Variants in EYS observed in about 807,000 individuals in gnomAD.
The protein encoded by EYS is protein eyes shut homolog.
EYS carries 250 observed loss-of-function variants against 282.1 expected under a neutral mutation model. The ratio of observed to expected loss-of-function variants is 0.89; its 90% CI spans 0.80 to 0.98. The LOEUF (loss-of-function observed/expected upper bound fraction) is 0.98. EYS is among the 50% of genes least tolerant of loss of function. The pLI is 0.00. For synonymous variants in EYS, 1,355 were observed against 1,282.9 expected (o/e 1.06, Z -1.20); for missense variants, 4,016 against 3,709.0 (o/e 1.08, Z -2.15).
intron 31 of EYS, among the ~76,000 whole-genome samples, chr6:64,187,996 C>G (rs907905110): frequency 7.2e-5 from 11 of 151,964 alleles, no homozygotes; most frequent in Non-Finnish European, 1.6e-4. Flanking sequence ...CTGTAACATA[C>G]AAAGTAATGA....
At chr6:64,553,643 G>A (rs975609690) in intron 26 of EYS, among the ~76,000 whole-genome samples, 3 of 144,084 alleles carry the variant, frequency 2.1e-5, no homozygotes, top group Non-Finnish European at 4.5e-5. Flanking sequence ...AGCATAAGGT[G>A]CCTTTGCTGA....
In EYS at chr6:64,617,516, A is replaced by G. The variant is rs374409854; in HGVS notation, c.3586T>C (p.Cys1196Arg). Residue 1196 changes from cysteine to arginine, a missense_variant, in exon 24 of 43, where the codon TGT becomes CGT. Coordinates refer to ENST00000503581, the MANE Select transcript of EYS (RefSeq NM_001142800.2). ...GGAATGCACTCAAGCTCATTCTCAC[A>G]GTGGTGTCCAGACCATCCTGTTCAA... ...KCQPGWSGHHCENELECIPNS... is the reference protein window; with the variant it reads ...KCQPGWSGHHRENELECIPNS... The G allele has an allele frequency of 6.6e-4, 1,019 of 1,548,422 alleles. 8 individuals are homozygous for G. Among genetic ancestry groups the G allele is most frequent in the South Asian group, 5.3e-3 (448 of 83,958 alleles).
At chr6:64,582,727 C>G (rs10944599) in intron 26 of EYS, among the ~76,000 whole-genome samples, 1 of 152,028 alleles carries the variant, frequency 6.6e-6, no homozygotes, top group Non-Finnish European at 1.5e-5. Context: ...CACAATCACT[C>G]TACTGTATTC....
chr6:63,848,452 G>A (rs1008980854), intron 36 of EYS, among the ~76,000 whole-genome samples: 5 of 151,820 alleles, frequency 3.3e-5, no homozygotes, highest in East Asian at 2.0e-4. Flanking sequence ...CGGAGAAGGC[G>A]GGTGATATTT....
intron 26 of EYS, among the ~76,000 whole-genome samples, chr6:64,458,054 G>T (rs1008224697): frequency 6.6e-6 from 1 of 151,676 alleles, no homozygotes; most frequent in Non-Finnish European, 1.5e-5. Context: ...TCAGAAAAAA[G>T]AAATCTCTAC....
chr6:63,722,797 A>C (rs541188885), intron 42 of EYS, among the ~76,000 whole-genome samples: 1 of 152,144 alleles, frequency 6.6e-6, no homozygotes. Context: ...TCTATTCTCC[A>C]TTGTGGTCTA....
chr6:64,801,602 C>G (rs543010486), intron 22 of EYS, among the ~76,000 whole-genome samples: 6 of 152,120 alleles, frequency 3.9e-5, no homozygotes, highest in African/African-American at 1.4e-4. Flanking sequence ...CATTCTATAG[C>G]TATTTAGCCA....
chr6:64,395,434 A>T (rs1279188181), intron 28 of EYS, among the ~76,000 whole-genome samples: 3 of 152,250 alleles, frequency 2.0e-5, no homozygotes, highest in African/African-American at 7.2e-5. Flanking sequence ...CATATACACC[A>T]TGGAATACTA....
At chr6:65,579,830 C>T (rs558931413) in intron 2 of EYS, among the ~76,000 whole-genome samples, 2 of 152,154 alleles carry the variant, frequency 1.3e-5, no homozygotes, top group Admixed American at 1.3e-4. Context: ...GTCTGTAGAA[C>T]CTTGTCTCCA....
rs535756206 is a variant in EYS, at chr6:64,007,664, C to T, written c.6726-8481G>A. Reference sequence around the variant, plus strand: ...CCTCTTATCACTGCTTTAGCTGTGCCCCAGGAATTCTTGTATGTTGTATCT... The same window carrying T: ...CCTCTTATCACTGCTTTAGCTGTGCTCCAGGAATTCTTGTATGTTGTATCT... On this transcript the variant is annotated intron_variant, in intron 33 of 42. Coordinates refer to ENST00000503581, the MANE Select transcript of EYS (RefSeq NM_001142800.2). 8.5e-5 allele frequency among the ~76,000 whole-genome samples: 13 copies of T among 152,072 alleles called. No homozygotes were observed. In the South Asian group the frequency reaches 1.9e-3, roughly 22 times the overall value.
intron 26 of EYS, among the ~76,000 whole-genome samples, chr6:64,574,284 G>A (rs1199641983): frequency 6.6e-6 from 1 of 152,086 alleles, no homozygotes; most frequent in Admixed American, 6.6e-5. Flanking sequence ...TGGTGGGTGG[G>A]GGCAAGGGGA....
chr6:65,275,826 C>T (rs551685075), intron 12 of EYS, among the ~76,000 whole-genome samples: 9 of 152,162 alleles, frequency 5.9e-5, no homozygotes, highest in Non-Finnish European at 1.2e-4. Flanking sequence ...ATTGTCATCA[C>T]AGAAGGGGCA....
At chr6:65,011,260 G>A (rs771885015) in intron 13 of EYS, among the ~76,000 whole-genome samples, 11 of 152,128 alleles carry the variant, frequency 7.2e-5, no homozygotes, top group South Asian at 4.2e-4. Flanking sequence ...TTACTGGACC[G>A]GGCCTTTTCA....
At chr6:64,553,594 A>G (rs1765158164) in intron 26 of EYS, among the ~76,000 whole-genome samples, 1 of 125,174 alleles carries the variant, frequency 8.0e-6, no homozygotes, top group African/African-American at 3.0e-5. Context: ...ATACTCCTCT[A>G]GCAATCACTA....
chr6:64,809,620 C>T (rs1186571951), intron 22 of EYS, among the ~76,000 whole-genome samples: 1 of 152,050 alleles, frequency 6.6e-6, no homozygotes, highest in Non-Finnish European at 1.5e-5. Flanking sequence ...ATATACACCA[C>T]ACCATAGAGT....
At chr6:64,496,912 C>T (rs979394458) in intron 26 of EYS, among the ~76,000 whole-genome samples, 3 of 151,834 alleles carry the variant, frequency 2.0e-5, no homozygotes, top group Non-Finnish European at 4.4e-5. Context: ...TTAGTTGTCT[C>T]CTGTTTGTTG....
At chr6:64,683,827 G>A (rs1769988265) in intron 22 of EYS, among the ~76,000 whole-genome samples, 2 of 152,116 alleles carry the variant, frequency 1.3e-5, no homozygotes, top group African/African-American at 2.4e-5. Context: ...ACTAGGGTTG[G>A]GACCATGAGA....
At position 64,843,397 on chromosome 6, in the gene EYS, G is replaced by A. The variant is rs552066890; in HGVS notation, c.2993-20575C>T. Among the ~76,000 whole-genome samples the A allele has an allele frequency of 6.6e-5, 10 of 152,290 alleles. No individual in the cohort carries two copies. The South Asian group carries it at 1.2e-3, about 19-fold the overall frequency. On this transcript the variant is annotated intron_variant, in intron 19 of 42. Transcript: ENST00000503581. ...CAATGCCAGCCTGTGAAAGCAGCCC[G>A]GAGGTGGGCTATACCCTGAAAAGCC...
chr6:64,733,709 CT>C (rs1260481871), intron 22 of EYS: 2 of 159,948 alleles, frequency 1.3e-5, no homozygotes, highest in African/African-American at 4.9e-5. Flanking sequence ...TCATAATGGG[CT>C]TAGAATCATA....
Sources: allele counts gnomAD v4.1 joint callset (sites outside exome capture counted in the v4.1 genomes callset), GRCh38; gene constraint gnomAD v4.1.1; transcripts MANE v1.5; gene names NCBI Gene and HGNC (gene_info 2026-07-23, HGNC 2026-07-21).